SBF2: variants seen among roughly 807,000 people sequenced by gnomAD.
SBF2 encodes the protein myotubularin-related protein 13.
In SBF2, 112 loss-of-function variants were observed where a neutral mutation model predicts 225.2. The observed-to-expected ratio is 0.50, with a 90% confidence interval of 0.43 to 0.58. SBF2 has a LOEUF of 0.58. Ranked by LOEUF, SBF2 falls within the 20% of genes least tolerant of loss-of-function variation. The pLI is 0.00. For synonymous variants in SBF2, 763 were observed against 773.3 expected, an observed-to-expected ratio of 0.99 and a Z score of 0.22; for missense variants, 1,996 against 2,206.2, an observed-to-expected ratio of 0.90 and a Z score of 1.91.
intron 6 of SBF2, among the ~76,000 whole-genome samples, chr11:10,010,692 T>A (rs1237798531): frequency 6.6e-6 from 1 of 152,220 alleles, no homozygotes; most frequent in Non-Finnish European, 1.5e-5. Flanking sequence ...GCTTTGTTCT[T>A]TTTGCTTAGG....
chr11:10,211,872 CCTGTTTCTACCAAGTT>C (rs1957955212), intron 1 of SBF2, among the ~76,000 whole-genome samples: 1 of 152,160 alleles, frequency 6.6e-6, no homozygotes, highest in Non-Finnish European at 1.5e-5. Flanking sequence ...CTAGCAAGTG[CCTGTTTCTACCAAGTT>C]CTGTTTCTAG....
At position 10,285,260 on chromosome 11, in the gene SBF2, T is replaced by A. The variant is rs538975763; in HGVS notation, c.55+8755A>T. ...GGGAGATCAAGGCTTCAGTAAACTG[T>A]GATTGTGCGACTGCCTTCCTGCCTG... On this transcript the variant is annotated intron_variant, in intron 1 of 39. Coordinates refer to ENST00000256190, the MANE Select transcript of SBF2 (RefSeq NM_030962.4). Among the ~76,000 whole-genome samples, 7 of 81,078 alleles carry A rather than the reference T, an allele frequency of 8.6e-5. No homozygotes were observed. The South Asian group carries it at 2.6e-3, about 30-fold the overall frequency. The allele number at this position is 81,078 out of a possible 152,430, so 53.2% of individuals were successfully genotyped here.
At chr11:9,866,855 A>G (rs564789546) in intron 17 of SBF2, among the ~76,000 whole-genome samples, 2 of 152,342 alleles carry the variant, frequency 1.3e-5, no homozygotes, top group East Asian at 3.9e-4. Context: ...ATTAATAACC[A>G]GAGTATACAA....
At chr11:9,964,109 G>A (rs1362093563) in intron 14 of SBF2, among the ~76,000 whole-genome samples, 1 of 152,052 alleles carries the variant, frequency 6.6e-6, no homozygotes, top group East Asian at 1.9e-4. Flanking sequence ...AATTAGCCGG[G>A]CATGGTGTCT....
chr11:10,081,965 A>G (rs977929055), intron 2 of SBF2, among the ~76,000 whole-genome samples: 33 of 152,178 alleles, frequency 2.2e-4, no homozygotes, highest in African/African-American at 7.7e-4. Flanking sequence ...CTTAGAAAAT[A>G]TAAACAAAAT....
At chr11:9,959,843 T>C in intron 16 of SBF2, 1 of 548,688 alleles carries the variant, frequency 1.8e-6, no homozygotes, top group Non-Finnish European at 3.6e-6. Context: ...GCTGCGAGAG[T>C]GAGGAGAGGA....
chr11:10,182,226 C>A (rs940806218), intron 2 of SBF2, among the ~76,000 whole-genome samples: 1 of 152,070 alleles, frequency 6.6e-6, no homozygotes, highest in Non-Finnish European at 1.5e-5. Context: ...TTTATGAGAT[C>A]AAAATGGGGG....
At chr11:10,181,019 C>T (rs867887121) in intron 2 of SBF2, among the ~76,000 whole-genome samples, 4 of 152,074 alleles carry the variant, frequency 2.6e-5, no homozygotes, top group Non-Finnish European at 5.9e-5. Flanking sequence ...TGCCAACTCT[C>T]TAAGCACCGA....
At chr11:10,117,848 C>G (rs2135038919) in intron 2 of SBF2, among the ~76,000 whole-genome samples, 1 of 151,408 alleles carries the variant, frequency 6.6e-6, no homozygotes, top group East Asian at 1.9e-4. Context: ...ATGCTGTATT[C>G]TCTAAGGAAT....
At chr11:10,259,304 T>A (rs982426596) in intron 1 of SBF2, among the ~76,000 whole-genome samples, 14 of 152,116 alleles carry the variant, frequency 9.2e-5, no homozygotes, top group Non-Finnish European at 2.1e-4. Flanking sequence ...TTCCCATGTA[T>A]AAAATGGAAA....
At chr11:9,905,671 CCA>C (rs564676308) in intron 16 of SBF2, among the ~76,000 whole-genome samples, 11 of 151,822 alleles carry the variant, frequency 7.2e-5, no homozygotes, top group Non-Finnish European at 1.6e-4. Flanking sequence ...TTGTTGGAGC[CCA>C]GTTACTGGTT....
intron 17 of SBF2, among the ~76,000 whole-genome samples, chr11:9,865,106 G>C (rs1402026696): frequency 6.6e-6 from 1 of 151,958 alleles, no homozygotes; most frequent in Non-Finnish European, 1.5e-5. Context: ...GTAGAGATAG[G>C]GGTCTCACTA....
At chr11:9,860,607 A>T (rs1480743132) in intron 17 of SBF2, among the ~76,000 whole-genome samples, 8 of 152,156 alleles carry the variant, frequency 5.3e-5, no homozygotes, top group Admixed American at 5.2e-4. Context: ...CTAGGATTAT[A>T]GATGTGAGCC....
intron 16 of SBF2, among the ~76,000 whole-genome samples, chr11:9,900,441 T>C (rs1861631775): frequency 6.6e-6 from 1 of 152,116 alleles, no homozygotes; most frequent in Admixed American, 6.6e-5. Flanking sequence ...TAACCATTTT[T>C]CCCACCAAAC....
At chr11:10,159,525 A>C (rs1161355605) in intron 2 of SBF2, among the ~76,000 whole-genome samples, 1 of 152,164 alleles carries the variant, frequency 6.6e-6, no homozygotes, top group Non-Finnish European at 1.5e-5. Context: ...CAGCACAAGA[A>C]GACAGCTTCG....
At chr11:10,036,972 G>C (rs1949460250) in intron 3 of SBF2, among the ~76,000 whole-genome samples, 2 of 152,224 alleles carry the variant, frequency 1.3e-5, no homozygotes, top group Middle Eastern at 3.4e-3. Context: ...GATGTTGAAG[G>C]ATTCTGGAAA....
chr11:9,998,767 A>AG (rs1947818909), intron 8 of SBF2, among the ~76,000 whole-genome samples: 3 of 152,224 alleles, frequency 2.0e-5, no homozygotes, highest in South Asian at 4.1e-4. Flanking sequence ...TGGAGAAACA[A>AG]GAAGGAAGGA....
chr11:9,996,986 A>G (rs1030205903), intron 9 of SBF2, among the ~76,000 whole-genome samples: 2 of 152,188 alleles, frequency 1.3e-5, no homozygotes, highest in African/African-American at 4.8e-5. Context: ...TGTATCCCAC[A>G]CTAGTGTCTT....
chr11:10,196,984 C>A (rs1292487997), intron 1 of SBF2, among the ~76,000 whole-genome samples: 1 of 151,148 alleles, frequency 6.6e-6, no homozygotes, highest in Non-Finnish European at 1.5e-5. Flanking sequence ...TAGTTTCTCA[C>A]TATTATAAAT....
Sources: gnomAD v4.1 joint callset for allele counts (sites outside exome capture counted in the v4.1 genomes callset) on GRCh38, gnomAD v4.1.1 for gene constraint, MANE v1.5 for transcripts, NCBI Gene and HGNC (gene_info 2026-07-23, HGNC 2026-07-21) for gene names.